The following BANK1 variants were observed in gnomAD, a reference collection of about 807,000 sequenced individuals.
BANK1 encodes the protein B-cell scaffold protein with ankyrin repeats.
In BANK1, 95 loss-of-function variants were observed where a neutral mutation model predicts 94.5. That is an observed-to-expected ratio of 1.00 (90% CI 0.85 to 1.19). The LOEUF (loss-of-function observed/expected upper bound fraction) is 1.19, where lower values mean the gene tolerates loss of function less well. BANK1 is among the 50% of genes most tolerant of loss of function. The pLI is 0.00. For missense variants in BANK1, 987 were observed against 932.2 expected (o/e 1.06, Z -0.77); for synonymous variants, 334 against 308.4 (o/e 1.08, Z -0.87).
At chr4:101,802,324 T>A (rs1313413726) in intron 1 of BANK1, among the ~76,000 whole-genome samples, 1 of 152,218 alleles carries the variant, frequency 6.6e-6, no homozygotes, top group African/African-American at 2.4e-5. Flanking sequence ...TAATCAGAAT[T>A]GCCTAATTGA....
chr4:102,013,239 C>A (rs1212838749), intron 7 of BANK1, among the ~76,000 whole-genome samples: 1 of 152,078 alleles, frequency 6.6e-6, no homozygotes, highest in Non-Finnish European at 1.5e-5. Flanking sequence ...ATTCGCTATT[C>A]TCTTATATAC....
At chr4:102,030,414 A>C in intron 10 of BANK1, 149 bp downstream of exon 10, 9 of 698,330 alleles carry the variant, frequency 1.3e-5, no homozygotes, top group Non-Finnish European at 2.0e-5. Context: ...ATACTGGCTC[A>C]TTTTTTTTCC....
rs1377877731 is a variant in BANK1 at position 102,021,605 on chromosome 4, A to C, written c.1285+13A>C. 1.9e-6 allele frequency: 2 copies of C among 1,066,268 alleles called. No homozygotes were observed. The highest frequency in any genetic ancestry group is 2.7e-6 in the Non-Finnish European group (2 of 751,136). The allele number at this position is 1,066,268 out of a possible 1,614,324, so 66.1% of individuals were successfully genotyped here. On this transcript the variant is annotated intron_variant, in intron 8 of 16. Transcript: ENST00000322953. ...ACATATATTCCTTGTAAGTTTTTCC[A>C]TGTTATATATATATATGACATATTC...
At chr4:101,948,157 G>T (rs1232261847) in intron 7 of BANK1, among the ~76,000 whole-genome samples, 1 of 152,068 alleles carries the variant, frequency 6.6e-6, no homozygotes, top group Non-Finnish European at 1.5e-5. Flanking sequence ...TGAACATTTT[G>T]CAAGGAAAAG....
At chr4:101,853,458 T>G (rs1417917871) in intron 2 of BANK1, among the ~76,000 whole-genome samples, 2 of 152,180 alleles carry the variant, frequency 1.3e-5, no homozygotes, top group Admixed American at 1.3e-4. Context: ...GCACCAGGAA[T>G]GTACCTGCAC....
chr4:102,005,362 AC>A (rs1726224401), intron 7 of BANK1, among the ~76,000 whole-genome samples: 1 of 152,106 alleles, frequency 6.6e-6, no homozygotes, highest in African/African-American at 2.4e-5. Flanking sequence ...AGAAGATGCT[AC>A]TTGTTAACCA....
intron 2 of BANK1, among the ~76,000 whole-genome samples, chr4:101,845,281 AATTT>A (rs1727201692): frequency 6.6e-6 from 1 of 152,162 alleles, no homozygotes; most frequent in Non-Finnish European, 1.5e-5. Context: ...CTACATCACC[AATTT>A]ATTTATGTAC....
intron 5 of BANK1, among the ~76,000 whole-genome samples, chr4:101,878,061 C>T (rs955008874): frequency 1.3e-5 from 2 of 151,738 alleles, no homozygotes; most frequent in Non-Finnish European, 2.9e-5. Flanking sequence ...CACAAAACAA[C>T]CAAAAAAACA....
At chr4:101,917,883 G>A (rs1722877795) in intron 6 of BANK1, 110 bp from the exon 7 acceptor site, 1 of 656,832 alleles carries the variant, frequency 1.5e-6, no homozygotes, top group Non-Finnish European at 2.5e-6. Flanking sequence ...TACACAAAAA[G>A]TCTGCTGTGC....
At chr4:101,907,786 G>T (rs1722506319) in intron 6 of BANK1, among the ~76,000 whole-genome samples, 1 of 152,130 alleles carries the variant, frequency 6.6e-6, no homozygotes, top group Non-Finnish European at 1.5e-5. Context: ...GCAAAATCAT[G>T]AGTGAACTCC....
intron 1 of BANK1, among the ~76,000 whole-genome samples, chr4:101,798,267 C>T (rs1725227313): frequency 6.6e-6 from 1 of 152,106 alleles, no homozygotes; most frequent in African/African-American, 2.4e-5. Context: ...AGAAATATGG[C>T]TGTCTGATAA....
In BANK1 at chr4:101,829,818, A is replaced by G; in HGVS notation, c.81A>G (p.Lys27=). 1.3e-6 allele frequency: 2 copies of G among 1,528,506 alleles called. No homozygotes were observed. The highest frequency in any genetic ancestry group is 1.8e-6 in the Non-Finnish European group (2 of 1,135,780). The allele number at this position is 1,528,506 out of a possible 1,614,324, so 94.7% of individuals were successfully genotyped here. ...TTTTTCTTTTTCCAGGAAATACAAA[A>G]GATATAATAATGATATATGAAGAAG... ...PCGPAPPGNT[K]DIIMIYEEDA... is the part of the protein sequence containing the mutation. The change falls in exon 2 of 17, where the codon AAA becomes AAG. Residue 27 remains lysine, a synonymous_variant. Transcript: ENST00000322953.
chr4:101,964,880 G>T (rs1314285637), intron 7 of BANK1, among the ~76,000 whole-genome samples: 1 of 149,846 alleles, frequency 6.7e-6, no homozygotes, highest in Non-Finnish European at 1.5e-5. Context: ...TTGTCATCTA[G>T]CATTAGGTAT....
chr4:101,969,763 A>G (rs1035355823), intron 7 of BANK1, among the ~76,000 whole-genome samples: 6 of 152,208 alleles, frequency 3.9e-5, no homozygotes, highest in African/African-American at 9.6e-5. Flanking sequence ...CTGGAAACCA[A>G]TCTTCCTCAG....
intron 7 of BANK1, among the ~76,000 whole-genome samples, chr4:101,930,500 A>T (rs1362802765): frequency 1.3e-5 from 2 of 151,482 alleles, no homozygotes; most frequent in East Asian, 3.9e-4. Context: ...CAAAATTCTA[A>T]CTTTACCCCC....
chr4:102,057,351 GCTTTCTCTCTCTCTCT>G (rs1480200988), intron 11 of BANK1, among the ~76,000 whole-genome samples: 1 of 115,248 alleles, frequency 8.7e-6, no homozygotes, highest in Non-Finnish European at 1.8e-5. Context: ...TCTCTCTCTC[GCTTTCTCTCTCTCTCT>G]CTTTTTTTTT....
intron 7 of BANK1, among the ~76,000 whole-genome samples, chr4:102,010,243 C>G (rs555774774): frequency 1.3e-5 from 2 of 151,826 alleles, no homozygotes; most frequent in African/African-American, 4.8e-5. Flanking sequence ...CCAGCCTGGG[C>G]GACAGAGTGA....
intron 1 of BANK1, chr4:101,813,809 G>A (rs183237518): frequency 1.0e-6 from 1 of 963,432 alleles, no homozygotes; most frequent in Non-Finnish European, 1.2e-6. Flanking sequence ...CACTTTGCTA[G>A]GTCTGCAATT....
intron 7 of BANK1, among the ~76,000 whole-genome samples, chr4:102,002,695 A>T (rs1305407259): frequency 6.6e-6 from 1 of 152,204 alleles, no homozygotes; most frequent in Non-Finnish European, 1.5e-5. Flanking sequence ...TTTCGGCCTC[A>T]GAATCAGTGT....
Sources: gnomAD v4.1 joint callset for allele counts (sites outside exome capture counted in the v4.1 genomes callset) on GRCh38, gnomAD v4.1.1 for gene constraint, MANE v1.5 for transcripts, NCBI Gene and HGNC (gene_info 2026-07-23, HGNC 2026-07-21) for gene names.